PITPNM2: variants seen among roughly 807,000 people sequenced by gnomAD.
The protein encoded by PITPNM2 is membrane-associated phosphatidylinositol transfer protein 2.
In PITPNM2, 35 loss-of-function variants were observed where a neutral mutation model predicts 132.2. That is an observed-to-expected ratio of 0.26 (90% confidence interval 0.20 to 0.35). PITPNM2 has a LOEUF of 0.35. PITPNM2 is among the 10% of genes least tolerant of loss of function. The pLI, the probability that PITPNM2 is intolerant of heterozygous loss-of-function variation, is 1.00. For missense variants in PITPNM2, 1,332 were observed against 1,912.0 expected (o/e 0.70, Z 5.66); for synonymous variants, 738 against 799.2 (o/e 0.92, Z 1.29).
rs1339886653 is a variant in PITPNM2, at chr12:123,111,620, C to T, written c.-199-1132G>A. ...TGGCTGCAGGGAGCGGGCGGCTCTT[C>T]CAACCCCGCCACCGCCACCGCGTCC... On this transcript the variant is annotated intron_variant, in intron 1 of 25. Transcript: ENST00000320201. This position sits in a 1 kb window ranked among gnomAD's most constrained non-coding sequence, Gnocchi z 4.1. Among the ~76,000 whole-genome samples the T allele has an allele frequency of 6.6e-6, 1 of 152,214 alleles. No homozygotes were observed. The highest frequency in any genetic ancestry group is 1.5e-5 in the Non-Finnish European group (1 of 68,034).
intron 3 of PITPNM2, among the ~76,000 whole-genome samples, chr12:123,026,733 C>T (rs2039873969): frequency 6.6e-6 from 1 of 152,238 alleles, no homozygotes; most frequent in African/African-American, 2.4e-5. Flanking sequence ...GGACAGCAGG[C>T]TCACCCAGTA....
intron 1 of PITPNM2, among the ~76,000 whole-genome samples, chr12:123,128,745 C>T (rs1229783210): frequency 7.2e-6 from 1 of 138,518 alleles, no homozygotes; most frequent in Admixed American, 7.3e-5. Context: ...CAGTGAGACT[C>T]GATATCAAAA....
chr12:122,997,494 G>T lies in PITPNM2; in HGVS notation c.1303C>A (p.Leu435Met), dbSNP rs755596573. The change falls in exon 11 of 26, where the codon CTG becomes ATG. Residue 435 changes from leucine (L) to methionine (M), a missense_variant. Leu to Met is a conservative substitution (Grantham distance 15). This residue lies in a region of PITPNM2 where 710 missense variants were observed against 911.5 expected (regional missense o/e 0.78). Coordinates refer to ENST00000320201, the MANE Select transcript of PITPNM2 (RefSeq NM_020845.3). ...CTGGGGTCCCCGGCGCCTGTGTCCA[G>T]GATGGTGCCTCCGTGCAGCACCAGT... ...LLLVLHGGTI[L>M]DTGAGDPSSK... The T allele has an allele frequency of 3.7e-6, 6 of 1,613,544 alleles. No homozygotes were observed. Among genetic ancestry groups the T allele is most frequent in the Non-Finnish European group, 4.2e-6 (5 of 1,180,018 alleles).
Position 123,037,252 on chromosome 12 carries a change from C to G in PITPNM2, c.-95-2567G>C, listed in dbSNP as rs539747494. On this transcript the variant is annotated intron_variant, in intron 2 of 25. Coordinates refer to ENST00000320201, the MANE Select transcript of PITPNM2 (RefSeq NM_020845.3). ...TGGGAGGGTAGCACAGGCACCTGAT[C>G]TGAGAAACTTACATACATAAAGGAG... 1.5e-4 allele frequency among the ~76,000 whole-genome samples: 23 copies of G among 152,360 alleles called. 1 individual carries two copies. The South Asian group carries it at 3.9e-3, about 26-fold the overall frequency.
chr12:123,043,057 A>G (rs2136554603), intron 2 of PITPNM2, among the ~76,000 whole-genome samples: 1 of 152,178 alleles, frequency 6.6e-6, no homozygotes, highest in Non-Finnish European at 1.5e-5. Context: ...CCTGCCCCAG[A>G]GTAGTTCCAC....
intron 2 of PITPNM2, among the ~76,000 whole-genome samples, chr12:123,043,781 A>G (rs962002449): frequency 4.6e-5 from 7 of 152,246 alleles, no homozygotes; most frequent in African/African-American, 1.7e-4. Flanking sequence ...GAGAGGGCGC[A>G]TCCTGCTCAA....
intron 2 of PITPNM2, among the ~76,000 whole-genome samples, chr12:123,069,812 T>G (rs1313880297): frequency 6.6e-6 from 1 of 152,132 alleles, no homozygotes; most frequent in Non-Finnish European, 1.5e-5. Flanking sequence ...GATAAAAGAT[T>G]TTAATTCCAA....
intron 2 of PITPNM2, among the ~76,000 whole-genome samples, chr12:123,100,572 G>A (rs1202886540): frequency 2.0e-5 from 3 of 151,820 alleles, no homozygotes; most frequent in African/African-American, 4.8e-5. Flanking sequence ...GTTGTAGTGA[G>A]CTGAGATTGC....
At chr12:123,091,479 G>A (rs1566288460) in intron 2 of PITPNM2, 1 of 152,204 alleles carries the variant, frequency 6.6e-6, no homozygotes, top group African/African-American at 2.4e-5. Flanking sequence ...ACCTAGGGCT[G>A]GATGGTTCTC....
chr12:123,055,574 C>G (rs1354903858), intron 2 of PITPNM2, among the ~76,000 whole-genome samples: 5 of 152,216 alleles, frequency 3.3e-5, no homozygotes, highest in South Asian at 2.1e-4. Context: ...TTTGTAGGAA[C>G]AGCAGGCTCC....
intron 2 of PITPNM2, among the ~76,000 whole-genome samples, chr12:123,054,034 T>A (rs894421301): frequency 4.6e-5 from 7 of 152,240 alleles, no homozygotes; most frequent in Non-Finnish European, 1.0e-4. Context: ...TATCCTGGAT[T>A]TTTAAAACTC....
intron 2 of PITPNM2, among the ~76,000 whole-genome samples, chr12:123,073,020 C>T (rs1351444637): frequency 1.3e-5 from 2 of 152,158 alleles, no homozygotes; most frequent in Admixed American, 6.5e-5. Flanking sequence ...CCATCGCCTG[C>T]CCCCCTCCCC....
chr12:123,030,032 G>C (rs1204845146), intron 3 of PITPNM2, among the ~76,000 whole-genome samples: 1 of 96,296 alleles, frequency 1.0e-5, no homozygotes, highest in African/African-American at 2.7e-5. Context: ...GCCCAGGTGT[G>C]GGACTGACAG....
intron 1 of PITPNM2, among the ~76,000 whole-genome samples, chr12:123,136,698 C>A (rs568388413): frequency 3.5e-4 from 53 of 151,962 alleles, no homozygotes; most frequent in Non-Finnish European, 5.9e-4. Flanking sequence ...GAGATTGACA[C>A]CATCCTGGCT....
intron 2 of PITPNM2, among the ~76,000 whole-genome samples, chr12:123,054,313 T>C (rs2040952380): frequency 6.6e-6 from 1 of 152,306 alleles, no homozygotes; most frequent in Admixed American, 6.5e-5. Context: ...CTTTTCAGGA[T>C]TCTGCATGAT....
chr12:123,128,751 CAAA>C (rs776224035), intron 1 of PITPNM2, among the ~76,000 whole-genome samples: 8 of 92,064 alleles, frequency 8.7e-5, no homozygotes, highest in East Asian at 3.0e-4. Context: ...GACTCGATAT[CAAA>C]AAAAAAAAAA....
intron 16 of PITPNM2, chr12:122,991,848 C>T (rs2038202682): frequency 7.7e-7 from 1 of 1,306,342 alleles, no homozygotes; most frequent in Non-Finnish European, 9.7e-7. Flanking sequence ...GGGAGAGGGG[C>T]CAGGGGGCCG....
In PITPNM2 at chr12:122,984,581, C is replaced by T. The variant is rs2037858082; in HGVS notation, c.*1446G>A. 1 of 152,292 alleles carries T rather than the reference C, an allele frequency of 6.6e-6. No individual in the cohort carries two copies. The highest frequency in any genetic ancestry group is 1.5e-5 in the Non-Finnish European group (1 of 68,078). 9.4% of individuals were successfully genotyped at this position (152,292 alleles called of 1,614,324 possible). On this transcript the variant is annotated 3_prime_UTR_variant, in exon 26 of 26. Coordinates refer to ENST00000320201, the MANE Select transcript of PITPNM2 (RefSeq NM_020845.3). Reference sequence around the variant, plus strand: ...TTCACTCTGTATAGACCCACTTTTGCAGAACATTTACACGACCCTTTGGCT... The same window carrying T: ...TTCACTCTGTATAGACCCACTTTTGTAGAACATTTACACGACCCTTTGGCT...
intron 1 of PITPNM2, among the ~76,000 whole-genome samples, chr12:123,134,331 G>A (rs1227583810): frequency 6.6e-6 from 1 of 152,170 alleles, no homozygotes; most frequent in Non-Finnish European, 1.5e-5. Flanking sequence ...CCAAAGTGCT[G>A]GGGTCTGCCA....
Sources: gnomAD v4.1 joint callset for allele counts (sites outside exome capture counted in the v4.1 genomes callset) on GRCh38, gnomAD v4.1.1 for gene constraint, gnomAD v4.1.1 regional missense constraint, Gnocchi (gnomAD v3.1) non-coding constraint, MANE v1.5 for transcripts, NCBI Gene and HGNC (gene_info 2026-07-23, HGNC 2026-07-21) for gene names.